MEIS2: variants seen among roughly 807,000 people sequenced by gnomAD.
MEIS2 encodes the protein homeobox protein Meis2.
In MEIS2, 9 loss-of-function variants were observed where a neutral mutation model predicts 58.6. That is an observed-to-expected ratio of 0.15 (90% CI 0.09 to 0.27). The LOEUF is 0.27. Among genes scored for constraint, MEIS2 ranks in the 10% least tolerant of loss-of-function variants. The pLI, the probability that MEIS2 is intolerant of heterozygous loss-of-function variation, is 1.00. For missense variants in MEIS2, 427 were observed against 635.0 expected (o/e 0.67, Z 3.52); for synonymous variants, 221 against 228.4 (o/e 0.97, Z 0.29).
intron 8 of MEIS2, among the ~76,000 whole-genome samples, chr15:37,020,047 C>G (rs2141669933): frequency 6.6e-6 from 1 of 152,306 alleles, no homozygotes; most frequent in East Asian, 1.9e-4. Flanking sequence ...CCAGGACTGT[C>G]TACTTCCTGA....
intron 8 of MEIS2, among the ~76,000 whole-genome samples, chr15:36,988,738 G>T (rs2060174016): frequency 6.6e-6 from 1 of 152,274 alleles, no homozygotes; most frequent in Non-Finnish European, 1.5e-5. Flanking sequence ...ACTCTTTTCT[G>T]TCTCTTCAAT....
At chr15:36,968,510 C>T (rs372597312) in intron 8 of MEIS2, among the ~76,000 whole-genome samples, 4 of 152,056 alleles carry the variant, frequency 2.6e-5, no homozygotes, top group African/African-American at 9.7e-5. Context: ...AGTTAAGAGG[C>T]GAGGCCTGGG....
At chr15:37,059,937 AT>A (rs1888973862) in intron 7 of MEIS2, among the ~76,000 whole-genome samples, 1 of 144,154 alleles carries the variant, frequency 6.9e-6, no homozygotes, top group African/African-American at 2.6e-5. Context: ...AAAAAAAAAA[AT>A]TCTTTTTTTA....
At chr15:36,911,915 G>A (rs181955871) in intron 9 of MEIS2, among the ~76,000 whole-genome samples, 1 of 152,324 alleles carries the variant, frequency 6.6e-6, no homozygotes, top group East Asian at 1.9e-4. Flanking sequence ...GTGAAAGTCA[G>A]GCAAGCGCCA....
At chr15:37,079,946 G>T (rs890774059) in intron 7 of MEIS2, among the ~76,000 whole-genome samples, 1 of 152,152 alleles carries the variant, frequency 6.6e-6, no homozygotes, top group Non-Finnish European at 1.5e-5. Context: ...TGGGCCAACT[G>T]TCTCGGTATT....
chr15:37,037,294 C>CGTT (rs1218542531), intron 7 of MEIS2, among the ~76,000 whole-genome samples: 1 of 152,138 alleles, frequency 6.6e-6, no homozygotes, highest in Non-Finnish European at 1.5e-5. Context: ...CATCCCCATG[C>CGTT]CCAGAGTGAA....
chr15:37,017,255 A>G (rs770258523), intron 8 of MEIS2, among the ~76,000 whole-genome samples: 2 of 152,218 alleles, frequency 1.3e-5, no homozygotes, highest in Non-Finnish European at 2.9e-5. Flanking sequence ...AAAGTCAAAG[A>G]GAACATGGTA....
chr15:37,074,814 T>C lies in MEIS2; in HGVS notation c.754+8957A>G, dbSNP rs143452714. Among the ~76,000 whole-genome samples the C allele has an allele frequency of 8.4e-3, 1,276 of 152,134 alleles. 20 individuals carry two copies. The highest frequency in any genetic ancestry group is 0.029 in the African/African-American group (1,211 of 41,524). ...CATGTCTCTCTGTCTTCTAGGTCTG[T>C]GCCCTTTTCAATGCAATCATGACTT... On this transcript the variant is annotated intron_variant, in intron 7 of 11. Transcript: ENST00000561208.
At chr15:37,002,836 T>C (rs1377566488) in intron 8 of MEIS2, among the ~76,000 whole-genome samples, 1 of 152,216 alleles carries the variant, frequency 6.6e-6, no homozygotes, top group Non-Finnish European at 1.5e-5. Context: ...GAGTGAAAAC[T>C]AAAGTTTTTA....
chr15:37,077,016 A>G (rs2141892693), intron 7 of MEIS2, among the ~76,000 whole-genome samples: 1 of 152,176 alleles, frequency 6.6e-6, no homozygotes, highest in African/African-American at 2.4e-5. Flanking sequence ...TTAGTCACAA[A>G]TCTTGGCATT....
intron 8 of MEIS2, among the ~76,000 whole-genome samples, chr15:36,971,669 G>A (rs1041759549): frequency 2.6e-5 from 4 of 151,582 alleles, no homozygotes; most frequent in Admixed American, 2.6e-4. Flanking sequence ...TTTCCCTGAG[G>A]GGAACACAAT....
At chr15:36,984,378 ATGT>A (rs1234555476) in intron 8 of MEIS2, among the ~76,000 whole-genome samples, 3 of 151,920 alleles carry the variant, frequency 2.0e-5, no homozygotes, top group Non-Finnish European at 4.4e-5. Context: ...CATTCTGTTA[ATGT>A]TGTATGTCAC....
At chr15:37,068,493 G>A (rs751525836) in intron 7 of MEIS2, among the ~76,000 whole-genome samples, 3 of 152,118 alleles carry the variant, frequency 2.0e-5, no homozygotes, top group Non-Finnish European at 2.9e-5. Flanking sequence ...TTAACCAATC[G>A]TCAAATTGCA....
intron 9 of MEIS2, among the ~76,000 whole-genome samples, chr15:36,935,533 G>A (rs1055397133): frequency 1.3e-5 from 2 of 152,060 alleles, no homozygotes; most frequent in Admixed American, 6.5e-5. Context: ...TCAGGAAAGA[G>A]AGAGCTTTAA....
At chr15:37,056,587 G>A (rs79131593) in intron 7 of MEIS2, among the ~76,000 whole-genome samples, 5,807 of 152,262 alleles carry the variant, frequency 0.038, 148 homozygotes, top group East Asian at 0.092. Context: ...AACATGTCCC[G>A]GAGGCAGGGA....
At position 36,891,880 on chromosome 15, in the gene MEIS2, T is replaced by G; in HGVS notation, c.*293A>C. On this transcript the variant is annotated 3_prime_UTR_variant, in exon 12 of 12. Transcript: ENST00000561208. ...TATTTGAGGCAACATAACGGCGTGATCAACAGAAATGTACAAGTTTAACTT... is the reference window on the plus strand; with the variant it reads ...TATTTGAGGCAACATAACGGCGTGAGCAACAGAAATGTACAAGTTTAACTT... 2.3e-6 allele frequency: 1 copy of G among 436,498 alleles called. No homozygotes were observed. The highest frequency in any genetic ancestry group is 3.3e-5 in the South Asian group (1 of 29,870). 27.0% of individuals were successfully genotyped at this position (436,498 alleles called of 1,614,324 possible).
chr15:37,066,995 A>G (rs979051361), intron 7 of MEIS2, among the ~76,000 whole-genome samples: 1 of 151,218 alleles, frequency 6.6e-6, no homozygotes, highest in Non-Finnish European at 1.5e-5. Flanking sequence ...TGCCCAGCCT[A>G]GTCTCGAATA....
At chr15:37,033,056 A>G (rs2061993143) in intron 8 of MEIS2, among the ~76,000 whole-genome samples, 1 of 152,206 alleles carries the variant, frequency 6.6e-6, no homozygotes, top group South Asian at 2.1e-4. Flanking sequence ...TTGTTCTTCC[A>G]AGAAAACTGA....
At chr15:36,938,388 G>A (rs556460327) in intron 9 of MEIS2, among the ~76,000 whole-genome samples, 1 of 152,066 alleles carries the variant, frequency 6.6e-6, no homozygotes, top group African/African-American at 2.4e-5. Context: ...AAACCATCAG[G>A]CCCCACTCAG....
Sources: allele counts gnomAD v4.1 joint callset (sites outside exome capture counted in the v4.1 genomes callset), GRCh38; gene constraint gnomAD v4.1.1; transcripts MANE v1.5; gene names NCBI Gene and HGNC (gene_info 2026-07-23, HGNC 2026-07-21).